The following CA5A variants were observed in gnomAD, a reference collection of about 807,000 sequenced individuals.
CA5A encodes carbonic anhydrase 5A.
CA5A carries 28 observed loss-of-function variants against 37.1 expected under a neutral mutation model. The ratio of observed to expected loss-of-function variants is 0.75; its 90% CI spans 0.56 to 1.03. CA5A has a LOEUF of 1.03. Ranked by LOEUF, CA5A falls within the 50% of genes least tolerant of loss-of-function variation. The pLI, the probability that CA5A is intolerant of heterozygous loss-of-function variation, is 0.00. For synonymous variants in CA5A, 171 were observed against 158.4 expected (o/e 1.08, Z -0.60); for missense variants, 444 against 399.9 (o/e 1.11, Z -0.94).
At chr16:87,915,525 A>ATTTTTTTTTTT (rs1162468866) in intron 2 of CA5A, among the ~76,000 whole-genome samples, 1 of 107,128 alleles carries the variant, frequency 9.3e-6, no homozygotes, top group Non-Finnish European at 1.9e-5. Context: ...CCTGTGTCAA[A>ATTTTTTTTTTT]ATTTTTTTTT....
intron 2 of CA5A, chr16:87,924,101 C>T (rs1386285432): frequency 2.5e-5 from 25 of 985,444 alleles, no homozygotes; most frequent in South Asian, 1.4e-4. Context: ...CCCTGGTCCC[C>T]GAAGCTGGCC....
At chr16:87,923,536 G>C in intron 2 of CA5A, 2 of 985,026 alleles carry the variant, frequency 2.0e-6, no homozygotes, top group Middle Eastern at 5.2e-4. Context: ...CTCCTTCTAG[G>C]AGTAGTATCA....
At chr16:87,902,051 C>T (rs2055886595) in intron 4 of CA5A, 77 bp from the exon 5 acceptor site, 2 of 1,331,412 alleles carry the variant, frequency 1.5e-6, no homozygotes, top group African/African-American at 2.9e-5. Context: ...GTAAATACAC[C>T]ACGTTTTAAA....
intron 5 of CA5A, among the ~76,000 whole-genome samples, chr16:87,898,027 A>C (rs1157316251): frequency 6.6e-6 from 1 of 152,194 alleles, no homozygotes; most frequent in African/African-American, 2.4e-5. Context: ...CATCGTGTCC[A>C]TCTGGCTCTT....
At chr16:87,915,944 T>C (rs1182837731) in intron 2 of CA5A, among the ~76,000 whole-genome samples, 1 of 151,880 alleles carries the variant, frequency 6.6e-6, no homozygotes, top group Admixed American at 6.6e-5. Context: ...AGAGGTTGAA[T>C]GGACTCACAG....
intron 2 of CA5A, 47 bp from the exon 3 acceptor site, chr16:87,904,951 T>C: frequency 8.2e-7 from 1 of 1,215,552 alleles, no homozygotes; most frequent in Non-Finnish European, 1.2e-6. Flanking sequence ...GTCTGTTTGT[T>C]GAGCTGTGGT....
At chr16:87,901,161 C>G (rs1010606392) in intron 5 of CA5A, among the ~76,000 whole-genome samples, 2 of 152,106 alleles carry the variant, frequency 1.3e-5, no homozygotes, top group Admixed American at 6.6e-5. Context: ...ACCCGGGAGG[C>G]GGAGGTTGCA....
In CA5A at chr16:87,926,923, C is replaced by T. The variant is rs559370421; in HGVS notation, c.165G>A (p.Pro55=). The T allele has an allele frequency of 3.1e-5, 49 of 1,588,940 alleles. No homozygotes were observed. The highest frequency in any genetic ancestry group is 1.7e-4 in the Middle Eastern group (1 of 5,866). Reference sequence around the variant, plus strand: ...GCCGGGTGCCCCCTGGCACGGAGACCGGGACCGTCCAGAGTGGGTGCACTG... The same window carrying T: ...GCCGGGTGCCCCCTGGCACGGAGACTGGGACCGTCCAGAGTGGGTGCACTG... ...NNTLHPLWTV[P]VSVPGGTRQS... The change falls in exon 2 of 7, where the codon CCG becomes CCA. Residue 55 remains proline (P), a synonymous_variant. Coordinates refer to ENST00000649794, the MANE Select transcript of CA5A (RefSeq NM_001739.2).
intron 4 of CA5A, 42 bp from the exon 5 acceptor site, chr16:87,902,016 G>GA: frequency 6.4e-7 from 1 of 1,554,432 alleles, no homozygotes; most frequent in Non-Finnish European, 8.9e-7. Flanking sequence ...AAAGGCAGTG[G>GA]ATGGGGGGGG....
chr16:87,893,472 G>A, intron 5 of CA5A: 4 of 549,210 alleles, frequency 7.3e-6, no homozygotes, highest in South Asian at 5.5e-5. Flanking sequence ...AGGGCATCCA[G>A]TATCTCCGTG....
At chr16:87,922,674 C>T (rs2056247363) in intron 2 of CA5A, among the ~76,000 whole-genome samples, 1 of 152,244 alleles carries the variant, frequency 6.6e-6, no homozygotes, top group Non-Finnish European at 1.5e-5. Flanking sequence ...CCGTCTGGGC[C>T]CTGGGCCAGC....
At chr16:87,906,573 G>C (rs1031788647) in intron 2 of CA5A, among the ~76,000 whole-genome samples, 2 of 152,144 alleles carry the variant, frequency 1.3e-5, no homozygotes, top group Admixed American at 6.6e-5. Context: ...GTTGCAGTGA[G>C]CTGAGAACGT....
chr16:87,895,526 C>G (rs544707219), intron 5 of CA5A, among the ~76,000 whole-genome samples: 4 of 152,088 alleles, frequency 2.6e-5, no homozygotes, highest in African/African-American at 9.7e-5. Context: ...GCCTGGGCAA[C>G]AAGAGTGAAA....
intron 1 of CA5A, among the ~76,000 whole-genome samples, chr16:87,929,952 G>T (rs1395964179): frequency 6.6e-6 from 1 of 150,458 alleles, no homozygotes; most frequent in Non-Finnish European, 1.5e-5. Flanking sequence ...GTTAAAGATT[G>T]CAAAATCGCA....
At chr16:87,923,314 G>A (rs1053383553) in intron 2 of CA5A, among the ~76,000 whole-genome samples, 11 of 152,106 alleles carry the variant, frequency 7.2e-5, no homozygotes, top group Admixed American at 3.3e-4. Flanking sequence ...TCAGTCCCCC[G>A]AGGAACTGGA....
chr16:87,890,233 T>C (rs2055693874), intron 6 of CA5A, among the ~76,000 whole-genome samples: 1 of 152,156 alleles, frequency 6.6e-6, no homozygotes, highest in African/African-American at 2.4e-5. Flanking sequence ...CCTGTTCCTG[T>C]ACCGCCCCTC....
intron 2 of CA5A, among the ~76,000 whole-genome samples, chr16:87,921,619 C>T (rs1180639617): frequency 6.6e-6 from 1 of 152,198 alleles, no homozygotes; most frequent in Non-Finnish European, 1.5e-5. Flanking sequence ...ACTCCTGTTT[C>T]TGGACCCCGT....
downstream of CA5A, chr16:87,886,235 C>T (rs528253399): frequency 6.6e-5 from 10 of 151,400 alleles, no homozygotes; most frequent in East Asian, 1.2e-3. Context: ...CTACAACCTC[C>T]GCCTCACGGG....
chr16:87,894,256 A>G (rs1210647862), intron 5 of CA5A, among the ~76,000 whole-genome samples: 1 of 152,066 alleles, frequency 6.6e-6, no homozygotes. Context: ...CATGCCAACC[A>G]AGCATAGCTC....
Sources: gnomAD v4.1 joint callset for allele counts (sites outside exome capture counted in the v4.1 genomes callset) on GRCh38, gnomAD v4.1.1 for gene constraint, MANE v1.5 for transcripts, NCBI Gene and HGNC (gene_info 2026-07-23, HGNC 2026-07-21) for gene names.